LAMA1: variants seen among roughly 807,000 people sequenced by gnomAD.
The protein encoded by LAMA1 is laminin subunit alpha 1, also known as laminin subunit alpha-1.
In LAMA1, 219 loss-of-function variants were observed where a neutral mutation model predicts 348.7. The observed-to-expected ratio is 0.63, with a 90% confidence interval of 0.56 to 0.70. The LOEUF (loss-of-function observed/expected upper bound fraction) is 0.70. Among genes scored for constraint, LAMA1 ranks in the 30% least tolerant of loss-of-function variants. The probability of loss-of-function intolerance (pLI) is 0.00; values close to 1 mark genes in which losing one functional copy is unlikely to be tolerated. For synonymous variants in LAMA1, 1,487 were observed against 1,491.0 expected (o/e 1.00, Z 0.06); for missense variants, 3,744 against 3,888.0 (o/e 0.96, Z 0.99).
intron 24 of LAMA1, among the ~76,000 whole-genome samples, chr18:7,011,691 T>C (rs1346680883): frequency 6.6e-6 from 1 of 152,200 alleles, no homozygotes; most frequent in Non-Finnish European, 1.5e-5. Flanking sequence ...GTTGCTACGC[T>C]GGGGAAACGT....
intron 3 of LAMA1, among the ~76,000 whole-genome samples, chr18:7,058,644 T>C (rs1020569929): frequency 2.0e-5 from 3 of 152,186 alleles, no homozygotes; most frequent in African/African-American, 7.2e-5. Context: ...GGGAAGACCA[T>C]GTGAGGACTC....
chr18:6,946,133 A>C (rs905042937), intron 61 of LAMA1, among the ~76,000 whole-genome samples: 1 of 152,178 alleles, frequency 6.6e-6, no homozygotes, highest in Non-Finnish European at 1.5e-5. Context: ...CATGTTCTAC[A>C]TTAAAAAAAA....
At chr18:6,971,661 C>T (rs1184527147) in intron 48 of LAMA1, among the ~76,000 whole-genome samples, 196 bp downstream of exon 48, 1 of 151,992 alleles carries the variant, frequency 6.6e-6, no homozygotes, top group African/African-American at 2.4e-5. Context: ...GTATAATCTA[C>T]ATTATACCAA....
At chr18:7,083,184 T>C (rs2058200089) in intron 1 of LAMA1, among the ~76,000 whole-genome samples, 1 of 141,614 alleles carries the variant, frequency 7.1e-6, no homozygotes. Flanking sequence ...TAAATATATA[T>C]ATATATACAT....
At chr18:7,111,254 G>C (rs1568073668) in intron 1 of LAMA1, among the ~76,000 whole-genome samples, 1 of 152,136 alleles carries the variant, frequency 6.6e-6, no homozygotes, top group African/African-American at 2.4e-5. Flanking sequence ...AGTCACACTG[G>C]TGATTTCACA....
chr18:6,945,150 C>T (rs1266759704), intron 61 of LAMA1, among the ~76,000 whole-genome samples: 1 of 152,192 alleles, frequency 6.6e-6, no homozygotes, highest in Non-Finnish European at 1.5e-5. Context: ...CTGCCTCAGC[C>T]TCCCAAGGTT....
In LAMA1 at chr18:7,052,150, C is replaced by T. The variant is rs572553415; in HGVS notation, c.346-1214G>A. On this transcript the variant is annotated intron_variant, in intron 3 of 62. Transcript: ENST00000389658. ...GAAACCTCGAATGCATATTACTGGC[C>T]GGGTTCAGTGGTTCATGTCTGTAAT... is the stretch of plus-strand genomic sequence containing the variant. Among the ~76,000 whole-genome samples the T allele has an allele frequency of 2.2e-4, 33 of 152,256 alleles. No homozygotes were observed. In the East Asian group the frequency reaches 5.6e-3, roughly 26 times the overall value.
At position 6,948,573 on chromosome 18, in the gene LAMA1, G is replaced by A. The variant is rs115493936; in HGVS notation, c.8557-17C>T. Reference sequence around the variant, plus strand: ...GTGGGTGATCTAAGCCAAATGACATGCAAGAGTAGACAGTGGTGATTCTAA... The same window carrying A: ...GTGGGTGATCTAAGCCAAATGACATACAAGAGTAGACAGTGGTGATTCTAA... On this transcript the variant is annotated splice_polypyrimidine_tract_variant and intron_variant, in intron 59 of 62. Coordinates refer to ENST00000389658, the MANE Select transcript of LAMA1 (RefSeq NM_005559.4). The A allele has an allele frequency of 1.0e-3, 1,674 of 1,614,148 alleles. 13 individuals are homozygous for A. In the African/African-American group the frequency reaches 0.02, roughly 19 times the overall value.
intron 7 of LAMA1, among the ~76,000 whole-genome samples, 155 bp from the exon 8 acceptor site, chr18:7,043,560 A>G (rs2058029491): frequency 6.6e-6 from 1 of 152,204 alleles, no homozygotes; most frequent in African/African-American, 2.4e-5. Flanking sequence ...TATGGAGGAC[A>G]ATTGGGAAGA....
chr18:7,096,032 C>G (rs988981219), intron 1 of LAMA1, among the ~76,000 whole-genome samples: 1 of 152,340 alleles, frequency 6.6e-6, no homozygotes, highest in Middle Eastern at 3.4e-3. Flanking sequence ...CGCGCCATTG[C>G]GCTCCAGCCC....
chr18:6,973,323 C>A (rs948639083), intron 46 of LAMA1, 116 bp from the exon 47 acceptor site: 5 of 899,442 alleles, frequency 5.6e-6, no homozygotes, highest in African/African-American at 1.9e-5. Flanking sequence ...GCAACAGCAC[C>A]CCCCTGCTGG....
chr18:6,971,102 A>G (rs539842352), intron 48 of LAMA1, among the ~76,000 whole-genome samples: 39 of 152,356 alleles, frequency 2.6e-4, no homozygotes, highest in Non-Finnish European at 3.1e-4. Flanking sequence ...GAGAAATTAT[A>G]TCAGATGTTA....
chr18:6,968,148 C>G (rs1486785396), intron 48 of LAMA1, among the ~76,000 whole-genome samples: 3 of 152,188 alleles, frequency 2.0e-5, no homozygotes, highest in Admixed American at 2.0e-4. Flanking sequence ...CATCACAGCA[C>G]TTTGTGGACA....
chr18:7,001,015 T>A (rs2057805279), intron 30 of LAMA1, among the ~76,000 whole-genome samples: 1 of 152,216 alleles, frequency 6.6e-6, no homozygotes, highest in Non-Finnish European at 1.5e-5. Context: ...TTTTTATGAT[T>A]GCAGAAGTAA....
chr18:6,955,632 G>A (rs1000883496), intron 56 of LAMA1, 167 bp from the exon 57 acceptor site: 5 of 695,830 alleles, frequency 7.2e-6, no homozygotes, highest in Admixed American at 6.0e-5. Context: ...TGATGCACTC[G>A]CCAGCGCTTT....
chr18:6,999,892 T>C lies in LAMA1; in HGVS notation c.4469+19A>G. 6.2e-7 allele frequency: 1 copy of C among 1,609,522 alleles called. No homozygotes were observed. The highest frequency in any genetic ancestry group is 8.5e-7 in the Non-Finnish European group (1 of 1,175,814). On this transcript the variant is annotated intron_variant, in intron 31 of 62. Transcript: ENST00000389658. Reference sequence around the variant, plus strand: ...AACAGAGTGCCCAGGGATTTCCACATGACAATCCACCCATGTACCTTTCAC... The same window carrying C: ...AACAGAGTGCCCAGGGATTTCCACACGACAATCCACCCATGTACCTTTCAC...
chr18:7,008,624 G>A lies in LAMA1; in HGVS notation c.4002-16C>T, dbSNP rs1288076832. ...GTCTGAGATTCTGTGCAGCCATCAT[G>A]TTAAGAGAGGAAACGCTAACATTTG... On this transcript the variant is annotated splice_polypyrimidine_tract_variant and intron_variant, in intron 27 of 62. Transcript: ENST00000389658. 1.2e-6 allele frequency: 2 copies of A among 1,613,560 alleles called. No individual in the cohort carries two copies. The highest frequency in any genetic ancestry group is 3.3e-5 in the Admixed American group (2 of 60,008).
At chr18:7,056,304 T>C (rs570983708) in intron 3 of LAMA1, among the ~76,000 whole-genome samples, 25 of 152,218 alleles carry the variant, frequency 1.6e-4, no homozygotes, top group African/African-American at 2.6e-4. Flanking sequence ...AGGCAGCCCA[T>C]TGGGGAGGGA....
At chr18:7,095,953 A>T (rs1302687658) in intron 1 of LAMA1, among the ~76,000 whole-genome samples, 3 of 152,198 alleles carry the variant, frequency 2.0e-5, no homozygotes, top group African/African-American at 7.2e-5. Context: ...CTGTAATTCC[A>T]GTTACTCAGA....
Sources: gnomAD v4.1 joint callset for allele counts (sites outside exome capture counted in the v4.1 genomes callset) on GRCh38, gnomAD v4.1.1 for gene constraint, MANE v1.5 for transcripts, NCBI Gene and HGNC (gene_info 2026-07-23, HGNC 2026-07-21) for gene names.